PHACTR1: variants seen among roughly 807,000 people sequenced by gnomAD.
PHACTR1 encodes the protein RPEL repeat containing 1.
In PHACTR1, 16 loss-of-function variants were observed where a neutral mutation model predicts 69.2. The observed-to-expected ratio is 0.23, with a 90% confidence interval of 0.16 to 0.35. The LOEUF (loss-of-function observed/expected upper bound fraction) is 0.35, where lower values mean the gene tolerates loss of function less well. PHACTR1 is among the 10% of genes least tolerant of loss of function. The pLI, the probability that PHACTR1 is intolerant of heterozygous loss-of-function variation, is 1.00. For synonymous variants in PHACTR1, 312 were observed against 284.5 expected, an observed-to-expected ratio of 1.10 and a Z score of -0.97; for missense variants, 510 against 734.7, an observed-to-expected ratio of 0.69 and a Z score of 3.54.
chr6:13,122,071 C>T (rs1408666782), intron 5 of PHACTR1, among the ~76,000 whole-genome samples: 1 of 152,128 alleles, frequency 6.6e-6, no homozygotes, highest in Non-Finnish European at 1.5e-5. Context: ...CTGTGTGATA[C>T]TGAGGCAGTC....
chr6:12,841,031 G>A (rs773342049), intron 4 of PHACTR1, among the ~76,000 whole-genome samples: 4 of 152,270 alleles, frequency 2.6e-5, no homozygotes, highest in Non-Finnish European at 5.9e-5. Flanking sequence ...TCCGCAGGAC[G>A]GGGTCTCCTG....
intron 4 of PHACTR1, among the ~76,000 whole-genome samples, chr6:12,876,583 C>A (rs1782547515): frequency 6.6e-6 from 1 of 152,170 alleles, no homozygotes; most frequent in Non-Finnish European, 1.5e-5. Flanking sequence ...GCCAAGCATG[C>A]AGATATTTAA....
At chr6:12,802,589 T>G (rs570548320) in intron 4 of PHACTR1, among the ~76,000 whole-genome samples, 1 of 152,346 alleles carries the variant, frequency 6.6e-6, no homozygotes, top group South Asian at 2.1e-4. Flanking sequence ...AACCGTAGGA[T>G]GTACCATTAT....
At chr6:13,249,400 G>T (rs959479408) in intron 10 of PHACTR1, among the ~76,000 whole-genome samples, 1 of 152,122 alleles carries the variant, frequency 6.6e-6, no homozygotes, top group African/African-American at 2.4e-5. Context: ...TGTCTTCCAT[G>T]AAACCAGTCC....
chr6:12,943,107 A>G (rs929437129), intron 4 of PHACTR1, among the ~76,000 whole-genome samples: 1 of 152,266 alleles, frequency 6.6e-6, no homozygotes, highest in Non-Finnish European at 1.5e-5. Context: ...CAAAAGGTAG[A>G]AACACCCACA....
intron 4 of PHACTR1, among the ~76,000 whole-genome samples, chr6:12,775,003 G>T (rs1315003756): frequency 1.3e-5 from 2 of 152,198 alleles, no homozygotes; most frequent in African/African-American, 4.8e-5. Flanking sequence ...TGTCCAACTT[G>T]TGAAGTGTCC....
At chr6:13,106,816 T>A (rs1816223961) in intron 5 of PHACTR1, among the ~76,000 whole-genome samples, 1 of 152,214 alleles carries the variant, frequency 6.6e-6, no homozygotes, top group South Asian at 2.1e-4. Context: ...TCCTTTTTTC[T>A]ATCAAAAAGA....
intron 4 of PHACTR1, among the ~76,000 whole-genome samples, chr6:13,026,976 G>T (rs1184007260): frequency 6.6e-6 from 1 of 152,126 alleles, no homozygotes; most frequent in Admixed American, 6.5e-5. Context: ...AGCAAAGGTG[G>T]TTGGGCTGAG....
At chr6:13,118,444 T>C (rs553977334) in intron 5 of PHACTR1, among the ~76,000 whole-genome samples, 1 of 151,768 alleles carries the variant, frequency 6.6e-6, no homozygotes, top group Admixed American at 6.6e-5. Context: ...GTGAGTTCAT[T>C]GCTCTGAAGC....
chr6:13,085,173 C>G (rs1812071302), intron 5 of PHACTR1, among the ~76,000 whole-genome samples: 1 of 151,894 alleles, frequency 6.6e-6, no homozygotes, highest in Non-Finnish European at 1.5e-5. Context: ...TAGTGGAGAT[C>G]TAAACCTAAA....
chr6:12,957,796 C>T (rs1190077265), intron 4 of PHACTR1: 2 of 985,462 alleles, frequency 2.0e-6, no homozygotes, highest in East Asian at 1.1e-4. Context: ...CCCTCCCCTT[C>T]TCCATTCCAT....
chr6:12,960,180 C>T (rs554519097), intron 4 of PHACTR1, among the ~76,000 whole-genome samples: 1 of 152,298 alleles, frequency 6.6e-6, no homozygotes, highest in Admixed American at 6.5e-5. Flanking sequence ...TGGAGAGTAA[C>T]ATTGCTTTAC....
At chr6:12,786,663 A>G (rs1452637216) in intron 4 of PHACTR1, among the ~76,000 whole-genome samples, 1 of 152,258 alleles carries the variant, frequency 6.6e-6, no homozygotes, top group Non-Finnish European at 1.5e-5. Flanking sequence ...AGTTGAGTTC[A>G]AAATGACAGC....
At chr6:13,149,616 C>G (rs1005458333) in intron 5 of PHACTR1, among the ~76,000 whole-genome samples, 2 of 152,092 alleles carry the variant, frequency 1.3e-5, no homozygotes, top group African/African-American at 4.8e-5. Flanking sequence ...CACGTCGACT[C>G]TGCTAAAGTT....
At chr6:13,000,603 A>G (rs1170043800) in intron 4 of PHACTR1, among the ~76,000 whole-genome samples, 2 of 117,708 alleles carry the variant, frequency 1.7e-5, no homozygotes, top group Non-Finnish European at 3.4e-5. Context: ...AAGAGAGGGA[A>G]GGAGGGAAGG....
chr6:12,955,527 A>G (rs1791795047), intron 4 of PHACTR1, among the ~76,000 whole-genome samples: 1 of 152,168 alleles, frequency 6.6e-6, no homozygotes, highest in East Asian at 1.9e-4. Flanking sequence ...CTGGTCTAAG[A>G]AATTTGAGAT....
intron 5 of PHACTR1, among the ~76,000 whole-genome samples, chr6:13,140,490 G>A (rs1026688677): frequency 3.3e-5 from 5 of 152,058 alleles, no homozygotes; most frequent in African/African-American, 9.7e-5. Flanking sequence ...TGTATAGCAC[G>A]GATGACCCTC....
chr6:12,903,869 T>G (rs1162345182), intron 4 of PHACTR1, among the ~76,000 whole-genome samples: 4 of 152,228 alleles, frequency 2.6e-5, no homozygotes, highest in African/African-American at 7.2e-5. Flanking sequence ...AACTGGGATA[T>G]CTATGATTTT....
At chr6:13,226,910 G>A (rs1010206652) in intron 8 of PHACTR1, among the ~76,000 whole-genome samples, 5 of 151,846 alleles carry the variant, frequency 3.3e-5, no homozygotes, top group African/African-American at 4.8e-5. Flanking sequence ...GCTAATTTTT[G>A]TATTTTTAGT....
Sources: gnomAD v4.1 joint callset for allele counts (sites outside exome capture counted in the v4.1 genomes callset) on GRCh38, gnomAD v4.1.1 for gene constraint, MANE v1.5 for transcripts, NCBI Gene and HGNC (gene_info 2026-07-23, HGNC 2026-07-21) for gene names.